F13A1: variants seen among roughly 807,000 people sequenced by gnomAD.
F13A1 encodes the protein FSF, A subunit.
F13A1 carries 47 observed loss-of-function variants against 80.1 expected under a neutral mutation model. The observed-to-expected ratio is 0.59, with a 90% CI of 0.46 to 0.75. The LOEUF (loss-of-function observed/expected upper bound fraction) is 0.75. F13A1 is among the 30% of genes least tolerant of loss of function. The probability of loss-of-function intolerance (pLI) is 0.00; values close to 1 mark genes in which losing one functional copy is unlikely to be tolerated. For missense variants in F13A1, 817 were observed against 930.4 expected, an observed-to-expected ratio of 0.88 and a Z score of 1.59; for synonymous variants, 349 against 344.9, an observed-to-expected ratio of 1.01 and a Z score of -0.13.
chr6:6,252,302 A>AATTAG (rs142965163), intron 4 of F13A1, among the ~76,000 whole-genome samples: 69,654 of 151,766 alleles, frequency 0.46, 17,664 homozygotes, highest in African/African-American at 0.69. Context: ...ACATTGGGAA[A>AATTAG]ATTAAAGATG....
intron 8 of F13A1, among the ~76,000 whole-genome samples, chr6:6,203,019 AGT>A (rs780675715): frequency 1.3e-5 from 2 of 152,230 alleles, no homozygotes; most frequent in African/African-American, 2.4e-5. Flanking sequence ...TGCAAAGACA[AGT>A]GTGTTATGTA....
At chr6:6,312,490 T>C in intron 2 of F13A1, among the ~76,000 whole-genome samples, 1 of 57,556 alleles carries the variant, frequency 1.7e-5, no homozygotes, top group South Asian at 5.4e-4. Context: ...GCCAATATGG[T>C]GAAACCCAGT....
intron 5 of F13A1, among the ~76,000 whole-genome samples, chr6:6,249,387 G>A (rs3024389): frequency 0.44 from 67,453 of 152,156 alleles, 16,807 homozygotes; most frequent in African/African-American, 0.67. Context: ...TCTCAGCTGT[G>A]TTTGCTGGGC....
At chr6:6,205,588 A>C (rs1343753059) in intron 8 of F13A1, among the ~76,000 whole-genome samples, 1 of 152,176 alleles carries the variant, frequency 6.6e-6, no homozygotes, top group Admixed American at 6.5e-5. Flanking sequence ...GATTTCTTGG[A>C]TATTTATCAA....
chr6:6,280,811 T>A lies in F13A1; in HGVS notation c.320-14002A>T, dbSNP rs1758050082. Among the ~76,000 whole-genome samples the A allele has an allele frequency of 2.6e-5, 4 of 152,214 alleles. No homozygotes were observed. The South Asian group carries it at 6.2e-4, about 24-fold the overall frequency. ...TTAATAAAGGTCACTGCTGAGTACC[T>A]CTTTATTTGTGGGCTTGAAGGGGTA... On this transcript the variant is annotated intron_variant, in intron 3 of 14. Coordinates refer to ENST00000264870, the MANE Select transcript of F13A1 (RefSeq NM_000129.4).
intron 10 of F13A1, among the ~76,000 whole-genome samples, chr6:6,187,226 C>G (rs1761094929): frequency 8.0e-6 from 1 of 124,694 alleles, no homozygotes; most frequent in African/African-American, 3.3e-5. Context: ...TTCCTTCTGC[C>G]TAATTGCCCT....
intron 2 of F13A1, among the ~76,000 whole-genome samples, chr6:6,313,419 GA>G (rs71312606): frequency 0.73 from 111,001 of 151,576 alleles, 40,983 homozygotes; most frequent in East Asian, 0.86. Flanking sequence ...TTAAAGAAAA[GA>G]AAAAAATCTC....
intron 12 of F13A1, 31 bp downstream of exon 12, chr6:6,174,549 C>T: frequency 6.2e-7 from 1 of 1,613,070 alleles, no homozygotes; most frequent in Non-Finnish European, 8.5e-7. Flanking sequence ...GACAGCGAGT[C>T]TCAGAAAGAA....
At chr6:6,209,664 A>G (rs1019299812) in intron 8 of F13A1, among the ~76,000 whole-genome samples, 1 of 152,244 alleles carries the variant, frequency 6.6e-6, no homozygotes, top group Non-Finnish European at 1.5e-5. Flanking sequence ...TCATTCATCA[A>G]TGAAAGGGAA....
At chr6:6,266,533 A>G (rs760666352) in intron 4 of F13A1, 25 bp downstream of exon 4, 18 of 1,614,134 alleles carry the variant, frequency 1.1e-5, no homozygotes, top group Non-Finnish European at 1.4e-5. Context: ...TTTTTAAATG[A>G]GAAAACTAAA....
chr6:6,179,147 A>G (rs532166776), intron 11 of F13A1, among the ~76,000 whole-genome samples: 29 of 152,298 alleles, frequency 1.9e-4, no homozygotes, highest in Non-Finnish European at 3.4e-4. Flanking sequence ...AGAGAGGGAG[A>G]GGTGGAAATA....
chr6:6,163,861 C>G (rs1195173166), intron 13 of F13A1, among the ~76,000 whole-genome samples: 1 of 152,190 alleles, frequency 6.6e-6, no homozygotes, highest in African/African-American at 2.4e-5. Flanking sequence ...AATGGTAGTT[C>G]TGTGTTTAGC....
intron 8 of F13A1, among the ~76,000 whole-genome samples, chr6:6,198,524 C>T (rs1157633805): frequency 6.6e-6 from 1 of 152,198 alleles, no homozygotes; most frequent in Non-Finnish European, 1.5e-5. Context: ...TTTGCCCATG[C>T]TCCCATCTTT....
intron 12 of F13A1, among the ~76,000 whole-genome samples, chr6:6,173,408 TC>T (rs1444047086): frequency 0.048 from 2,169 of 45,112 alleles, 96 homozygotes; most frequent in African/African-American, 0.22. Context: ...TCCATTCTTT[TC>T]TTTTTTTTTT....
At chr6:6,180,338 A>G (rs915378256) in intron 11 of F13A1, among the ~76,000 whole-genome samples, 1 of 152,176 alleles carries the variant, frequency 6.6e-6, no homozygotes, top group Non-Finnish European at 1.5e-5. Flanking sequence ...CCTGTGCCAG[A>G]GCAATTCTCA....
rs1274808042 is a variant in F13A1, at chr6:6,267,285, C to G, written c.320-476G>C. Among the ~76,000 whole-genome samples, 3 of 152,118 alleles carry G rather than the reference C, an allele frequency of 2.0e-5. No homozygotes were observed. The East Asian group carries it at 5.8e-4, about 29-fold the overall frequency. On this transcript the variant is annotated intron_variant, in intron 3 of 14. Coordinates refer to ENST00000264870, the MANE Select transcript of F13A1 (RefSeq NM_000129.4). Reference sequence around the variant, plus strand: ...TTTGCTATTAGGGATATAGGTTATACCACTCAGAATGAATATCACATATAC... The same window carrying G: ...TTTGCTATTAGGGATATAGGTTATAGCACTCAGAATGAATATCACATATAC...
intron 10 of F13A1, among the ~76,000 whole-genome samples, chr6:6,184,004 G>A (rs1436553267): frequency 6.6e-6 from 1 of 152,176 alleles, no homozygotes; most frequent in African/African-American, 2.4e-5. Context: ...ATATCCCTAG[G>A]TTTTAAAGTT....
chr6:6,146,316 CTT>C (rs1309178976), intron 14 of F13A1, among the ~76,000 whole-genome samples: 2 of 152,200 alleles, frequency 1.3e-5, no homozygotes, highest in African/African-American at 4.8e-5. Flanking sequence ...CTTTGAGAAT[CTT>C]CATGTTCTGT....
At position 6,300,077 on chromosome 6, in the gene F13A1, G is replaced by T. The variant is rs1251358003; in HGVS notation, c.319+5274C>A. On this transcript the variant is annotated intron_variant, in intron 3 of 14. Transcript: ENST00000264870. ...AGGCTGCTTGGGGGTCAGGGGTCAG[G>T]GACCCACTTGAGGAGGCAGTCTGCC... 4.8e-5 allele frequency among the ~76,000 whole-genome samples: 7 copies of T among 146,202 alleles called. 1 individual carries two copies. The highest frequency in any genetic ancestry group is 1.9e-4 in the African/African-American group (7 of 35,956).
Sources: allele counts gnomAD v4.1 joint callset (sites outside exome capture counted in the v4.1 genomes callset), GRCh38; gene constraint gnomAD v4.1.1; transcripts MANE v1.5; gene names NCBI Gene and HGNC (gene_info 2026-07-23, HGNC 2026-07-21).